Variants in UNC5D observed in about 807,000 individuals in gnomAD.
UNC5D encodes the protein unc-5 netrin receptor D, also known as netrin receptor UNC5D.
UNC5D carries 39 observed loss-of-function variants against 105.4 expected under a neutral mutation model. That is an observed-to-expected ratio of 0.37 (90% CI 0.29 to 0.48). The LOEUF is 0.48. Ranked by LOEUF, UNC5D falls within the 20% of genes least tolerant of loss-of-function variation. The pLI is 0.98. For missense variants in UNC5D, 991 were observed against 1,202.4 expected, an observed-to-expected ratio of 0.82 and a Z score of 2.60; for synonymous variants, 452 against 450.4, an observed-to-expected ratio of 1.00 and a Z score of -0.04.
intron 14 of UNC5D, among the ~76,000 whole-genome samples, chr8:35,760,111 T>G (rs1801453829): frequency 6.6e-6 from 1 of 151,740 alleles, no homozygotes; most frequent in Non-Finnish European, 1.5e-5. Flanking sequence ...TGGCGCAATC[T>G]TGGCTCTCTG....
chr8:35,625,024 A>T (rs977945312), intron 4 of UNC5D, among the ~76,000 whole-genome samples: 2 of 152,176 alleles, frequency 1.3e-5, no homozygotes, highest in African/African-American at 4.8e-5. Flanking sequence ...GTGTGTATGA[A>T]TCTGAGCCCA....
chr8:35,716,785 A>C (rs1344647899), intron 8 of UNC5D, among the ~76,000 whole-genome samples: 1 of 152,236 alleles, frequency 6.6e-6, no homozygotes, highest in Non-Finnish European at 1.5e-5. Flanking sequence ...ATTGCTTAGC[A>C]TGGTTGGCCA....
At chr8:35,305,655 TTC>T (rs1294163076) in intron 1 of UNC5D, among the ~76,000 whole-genome samples, 13 of 149,130 alleles carry the variant, frequency 8.7e-5, no homozygotes, top group African/African-American at 3.0e-4. Context: ...TTTCTTTCTT[TTC>T]TTTCTCTTTT....
intron 1 of UNC5D, among the ~76,000 whole-genome samples, chr8:35,239,795 A>C (rs1463255007): frequency 1.3e-5 from 2 of 152,194 alleles, no homozygotes; most frequent in Admixed American, 6.5e-5. Flanking sequence ...GCTCAACAGA[A>C]TAGATCAATG....
At chr8:35,353,887 A>C (rs980180910) in intron 1 of UNC5D, among the ~76,000 whole-genome samples, 3 of 152,108 alleles carry the variant, frequency 2.0e-5, no homozygotes, top group Non-Finnish European at 4.4e-5. Context: ...AAGAGCAAAA[A>C]ATTAATATTT....
Position 35,350,836 on chromosome 8 carries a change from C to G in UNC5D, c.103+114949C>G, listed in dbSNP as rs1013175117. Among the ~76,000 whole-genome samples, 42 of 152,006 alleles carry G rather than the reference C, an allele frequency of 2.8e-4. 1 individual carries two copies. The highest frequency in any genetic ancestry group is 2.8e-3 in the Admixed American group (42 of 15,230). On this transcript the variant is annotated intron_variant, in intron 1 of 16. Coordinates refer to ENST00000404895, the MANE Select transcript of UNC5D (RefSeq NM_080872.4). The stretch of plus-strand genomic sequence containing the variant: ...TGTTTTGATTTCCAATCTGTGCACT[C>G]TCTTCTTTCATGGCCATCAAGTGCT...
intron 1 of UNC5D, among the ~76,000 whole-genome samples, chr8:35,274,952 G>C (rs531885459): frequency 4.0e-4 from 61 of 151,870 alleles, no homozygotes; most frequent in Admixed American, 2.4e-3. Context: ...TTGGCTGGGC[G>C]TAGTGGCAGG....
chr8:35,753,937 A>G (rs2131657094), intron 13 of UNC5D, among the ~76,000 whole-genome samples: 1 of 152,198 alleles, frequency 6.6e-6, no homozygotes, highest in African/African-American at 2.4e-5. Flanking sequence ...TGCTTTCTGG[A>G]TTTTTACTTT....
chr8:35,740,996 A>G (rs1829730402), intron 11 of UNC5D, among the ~76,000 whole-genome samples: 1 of 152,178 alleles, frequency 6.6e-6, no homozygotes, highest in Non-Finnish European at 1.5e-5. Context: ...AGCATGATAC[A>G]TAGTCCCACT....
intron 1 of UNC5D, among the ~76,000 whole-genome samples, chr8:35,265,362 GT>G (rs1317364634): frequency 6.6e-6 from 1 of 152,158 alleles, no homozygotes; most frequent in East Asian, 1.9e-4. Flanking sequence ...AAGATAGATA[GT>G]AAAAATATTA....
At chr8:35,602,534 G>GTCCC (rs1244524717) in intron 4 of UNC5D, among the ~76,000 whole-genome samples, 1 of 152,124 alleles carries the variant, frequency 6.6e-6, no homozygotes, top group Non-Finnish European at 1.5e-5. Flanking sequence ...TTGGGAGAGC[G>GTCCC]TATGTGTCGA....
At chr8:35,239,825 T>G (rs1182505008) in intron 1 of UNC5D, among the ~76,000 whole-genome samples, 8 of 152,220 alleles carry the variant, frequency 5.3e-5, no homozygotes, top group African/African-American at 1.9e-4. Flanking sequence ...CCTATTTCTA[T>G]TTCATTCTTA....
At chr8:35,622,081 C>T (rs1296054460) in intron 4 of UNC5D, among the ~76,000 whole-genome samples, 1 of 152,194 alleles carries the variant, frequency 6.6e-6, no homozygotes, top group African/African-American at 2.4e-5. Flanking sequence ...CGGTGGCTCA[C>T]ACCTGTAATC....
intron 1 of UNC5D, among the ~76,000 whole-genome samples, chr8:35,278,779 G>A (rs1488499670): frequency 6.6e-6 from 1 of 151,978 alleles, no homozygotes; most frequent in East Asian, 1.9e-4. Flanking sequence ...ACCCAGTACA[G>A]CATTATTAAC....
chr8:35,718,581 A>C (rs1213050009), intron 8 of UNC5D, among the ~76,000 whole-genome samples: 1 of 152,202 alleles, frequency 6.6e-6, no homozygotes, highest in Non-Finnish European at 1.5e-5. Flanking sequence ...GCTTTTGAAG[A>C]GTTTAAGGCA....
At chr8:35,384,006 G>C (rs1803211479) in intron 1 of UNC5D, among the ~76,000 whole-genome samples, 1 of 152,062 alleles carries the variant, frequency 6.6e-6, no homozygotes, top group Non-Finnish European at 1.5e-5. Context: ...ACAAGGTCAG[G>C]AGATCGAGAC....
chr8:35,589,790 G>C (rs1201900865), intron 3 of UNC5D, among the ~76,000 whole-genome samples: 2 of 152,026 alleles, frequency 1.3e-5, no homozygotes, highest in Non-Finnish European at 2.9e-5. Context: ...ACCTAGCATA[G>C]CATTTTTAAG....
chr8:35,544,353 C>A (rs1174918754), intron 1 of UNC5D: 1 of 1,567,980 alleles, frequency 6.4e-7, no homozygotes, highest in African/African-American at 1.4e-5. Flanking sequence ...CAGTGAGGAA[C>A]GTTTTCTGCC....
chr8:35,262,156 C>T (rs540384388), intron 1 of UNC5D, among the ~76,000 whole-genome samples: 5 of 70,066 alleles, frequency 7.1e-5, no homozygotes, highest in Non-Finnish European at 1.3e-4. Context: ...TGAGTAAGAG[C>T]TTATAATGAA....
Sources: gnomAD v4.1 joint callset for allele counts (sites outside exome capture counted in the v4.1 genomes callset) on GRCh38, gnomAD v4.1.1 for gene constraint, MANE v1.5 for transcripts, NCBI Gene and HGNC (gene_info 2026-07-23, HGNC 2026-07-21) for gene names.